ATG4A: variants seen among roughly 807,000 people sequenced by gnomAD.
ATG4A encodes the protein cysteine protease ATG4A.
A neutral mutation model predicts 38.4 loss-of-function variants in ATG4A; 22 were observed. The observed-to-expected ratio is 0.57, with a 90% CI of 0.41 to 0.82. The LOEUF (loss-of-function observed/expected upper bound fraction) is 0.82. Among genes scored for constraint, ATG4A ranks in the 40% least tolerant of loss-of-function variants. The pLI is 0.00. For missense variants in ATG4A, 220 were observed against 290.0 expected (o/e 0.76, Z 1.75); for synonymous variants, 86 against 100.7 (o/e 0.85, Z 0.88).
chrX:108,137,232 A>G lies in ATG4A; in HGVS notation c.547+62A>G. On this transcript the variant is annotated intron_variant, in intron 7 of 12. Transcript: ENST00000372232. ...GTGATGAGTTCCTCCCTCACCATTCAGTATTCTGGGGCTCAAGAGAGTCTC... is the reference window on the plus strand; with the variant it reads ...GTGATGAGTTCCTCCCTCACCATTCGGTATTCTGGGGCTCAAGAGAGTCTC... The G allele has an allele frequency of 8.0e-6, 8 of 996,196 alleles. No homozygotes were observed. In the Admixed American group the frequency reaches 1.4e-4, roughly 18 times the overall value. 82.1% of individuals were successfully genotyped at this position (996,196 alleles called of 1,213,427 possible).
chrX:108,129,695 C>T (rs1251576373), intron 3 of ATG4A, among the ~76,000 whole-genome samples: 6 of 108,308 alleles, frequency 5.5e-5, no homozygotes, highest in African/African-American at 1.3e-4. Flanking sequence ...CTCAGCCTCC[C>T]GAGTAGCTGG....
chrX:108,093,552 T>C (rs922956341), intron 1 of ATG4A, among the ~76,000 whole-genome samples: 4 of 112,060 alleles, frequency 3.6e-5, no homozygotes, highest in Middle Eastern at 4.6e-3. Flanking sequence ...CGTGCGGACA[T>C]ATTTTTTTCA....
rs1241698209 is a variant in ATG4A, at chrX:108,104,434, GT to G, written c.10+12610del. On this transcript the variant is annotated intron_variant, in intron 1 of 12. Coordinates refer to ENST00000372232, the MANE Select transcript of ATG4A (RefSeq NM_052936.5). ...TAGATGTAATATTCCTGGTTGGCAG[GT>G]TTTTTTTTTTTCTTTCAGCACTTTG... Among the ~76,000 whole-genome samples the G allele has an allele frequency of 1.1e-3, 115 of 103,856 alleles. 1 individual carries two copies. Among genetic ancestry groups the G allele is most frequent in the Middle Eastern group, 5.1e-3 (1 of 195 alleles). The allele number at this position is 103,856 out of a possible 115,157, so 90.2% of individuals were successfully genotyped here. A position where few individuals can be genotyped will look rare whatever the true frequency, so the allele number is the denominator to read the frequency against.
chrX:108,121,884 A>G (rs1475892819), intron 1 of ATG4A, among the ~76,000 whole-genome samples: 1 of 112,129 alleles, frequency 8.9e-6, no homozygotes, highest in African/African-American at 3.2e-5. Flanking sequence ...ATGAATATTC[A>G]GCTGTTACCC....
chrX:108,091,417 C>T (rs921913551), upstream of ATG4A: 1 of 1,211,198 alleles, frequency 8.3e-7, no homozygotes, highest in Non-Finnish European at 1.1e-6. Flanking sequence ...CTGGTCAGTT[C>T]TAGTAGCCAG....
chrX:108,132,798 G>GAAAAAAAAAAA (rs1336061229), intron 4 of ATG4A, among the ~76,000 whole-genome samples: 2 of 71,247 alleles, frequency 2.8e-5, no homozygotes. Flanking sequence ...GAGCAAACTG[G>GAAAAAAAAAAA]AAAAAAAAAA....
chrX:108,103,358 T>C (rs1440169116), intron 1 of ATG4A, among the ~76,000 whole-genome samples: 1 of 112,178 alleles, frequency 8.9e-6, no homozygotes, highest in Admixed American at 9.4e-5. Flanking sequence ...TTTTTGGAAC[T>C]ATCATTGGAG....
chrX:108,088,983 A>G, upstream of ATG4A: 2 of 428,953 alleles, frequency 4.7e-6, no homozygotes, highest in Non-Finnish European at 8.2e-6. Context: ...AGGTAACCTT[A>G]AACTATATTA....
chrX:108,116,876 A>T (rs780099078), intron 1 of ATG4A, among the ~76,000 whole-genome samples: 14 of 111,175 alleles, frequency 1.3e-4, no homozygotes, highest in Non-Finnish European at 2.6e-4. Flanking sequence ...CTTAACTCTC[A>T]CTCATTTTCT....
intron 1 of ATG4A, among the ~76,000 whole-genome samples, chrX:108,102,200 A>G (rs1048037291): frequency 3.6e-5 from 4 of 111,204 alleles, no homozygotes; most frequent in African/African-American, 1.3e-4. Context: ...CAAGGTTCCA[A>G]TTTCTCCACA....
intron 6 of ATG4A, among the ~76,000 whole-genome samples, chrX:108,135,061 A>AGG (rs1179103097): frequency 8.9e-6 from 1 of 111,885 alleles, no homozygotes; most frequent in Non-Finnish European, 1.9e-5. Flanking sequence ...CAAGGTGGAG[A>AGG]GGTCAGGACC....
At chrX:108,118,766 C>T (rs1416569459) in intron 1 of ATG4A, among the ~76,000 whole-genome samples, 1 of 112,116 alleles carries the variant, frequency 8.9e-6, no homozygotes, top group Non-Finnish European at 1.9e-5. Context: ...AAAGACCAGT[C>T]CAAATTCTAC....
At chrX:108,139,820 G>A (rs1172789477) in intron 9 of ATG4A, among the ~76,000 whole-genome samples, 2 of 111,911 alleles carry the variant, frequency 1.8e-5, no homozygotes, top group Admixed American at 9.5e-5. Flanking sequence ...TCCAGGCACT[G>A]GCAGATTTGG....
chrX:108,103,025 T>C (rs1447087871), intron 1 of ATG4A, among the ~76,000 whole-genome samples: 1 of 110,379 alleles, frequency 9.1e-6, no homozygotes, highest in East Asian at 2.8e-4. Flanking sequence ...CAGTGTGTGT[T>C]GTTCCCCCTA....
chrX:108,133,283 C>T (rs1206378220), intron 4 of ATG4A, among the ~76,000 whole-genome samples: 1 of 112,387 alleles, frequency 8.9e-6, no homozygotes, highest in African/African-American at 3.2e-5. Flanking sequence ...TCCCATTAGA[C>T]AGCGTTTCTA....
chrX:108,131,125 T>C, intron 3 of ATG4A, 135 bp from the exon 4 acceptor site: 2 of 568,841 alleles, frequency 3.5e-6, no homozygotes, highest in Non-Finnish European at 5.8e-6. Context: ...TCTTGTTTGA[T>C]CTGTGGGTGT....
rs1263860795 is a variant in ATG4A at position 108,150,200 on chromosome X, A to T, written c.863A>T (p.Asp288Val). Residue 288 changes from aspartate (D) to valine (V), a missense_variant, in exon 10 of 13, where the codon GAC (aspartate) becomes GTC (valine). This residue lies in a region of ATG4A where 159 missense variants were observed against 188.9 expected (regional missense o/e 0.84). Coordinates refer to ENST00000372232, the MANE Select transcript of ATG4A (RefSeq NM_052936.5). ...LDPHTTQTFV[D>V]TEENGTVNDQ... Reference sequence around the variant, plus strand: ...CCTCATACAACCCAGACCTTTGTTGACACTGAAGAGAATGGAACGGTTAAT... The same window carrying T: ...CCTCATACAACCCAGACCTTTGTTGTCACTGAAGAGAATGGAACGGTTAAT... The T allele has an allele frequency of 1.7e-6, 2 of 1,211,982 alleles. No homozygotes were observed. The highest frequency in any genetic ancestry group is 4.3e-5 in the Admixed American group (2 of 46,067).
chrX:108,117,776 C>A (rs867891340), intron 1 of ATG4A, among the ~76,000 whole-genome samples: 1 of 112,246 alleles, frequency 8.9e-6, no homozygotes, highest in Non-Finnish European at 1.9e-5. Context: ...TCATTATTAA[C>A]TAATTAATTG....
chrX:108,146,706 G>A (rs2033431709), intron 9 of ATG4A, among the ~76,000 whole-genome samples: 1 of 111,623 alleles, frequency 9.0e-6, no homozygotes, highest in African/African-American at 3.3e-5. Context: ...GGTCTGAAGT[G>A]ACTAATCCAC....
Sources: gnomAD v4.1 joint callset for allele counts (sites outside exome capture counted in the v4.1 genomes callset) on GRCh38, gnomAD v4.1.1 for gene constraint, gnomAD v4.1.1 regional missense constraint, MANE v1.5 for transcripts, NCBI Gene and HGNC (gene_info 2026-07-23, HGNC 2026-07-21) for gene names.